The following DMD variants were observed in gnomAD, a reference collection of about 807,000 sequenced individuals.
The protein encoded by DMD is dystrophin, also known as mutant dystrophin.
Under a neutral mutation model 330.1 loss-of-function variants are expected in DMD, and 63 were observed. That is an observed-to-expected ratio of 0.19 (90% CI 0.16 to 0.24). The LOEUF (loss-of-function observed/expected upper bound fraction) is 0.24. Ranked by LOEUF, DMD falls within the 10% of genes least tolerant of loss-of-function variation. DMD has a pLI of 1.00. For synonymous variants in DMD, 1,223 were observed against 959.8 expected (o/e 1.27, Z -5.07); for missense variants, 3,344 against 2,684.1 (o/e 1.25, Z -5.43).
intron 1 of DMD, among the ~76,000 whole-genome samples, chrX:33,310,008 C>T (rs970331730): frequency 9.1e-6 from 1 of 110,213 alleles, no homozygotes; most frequent in Non-Finnish European, 1.9e-5. Context: ...GTGAAGAATG[C>T]AATAAAAATT....
chrX:32,566,645 A>T (rs905611138), intron 15 of DMD, among the ~76,000 whole-genome samples: 2 of 112,227 alleles, frequency 1.8e-5, no homozygotes, highest in African/African-American at 6.5e-5. Context: ...TATACCATTT[A>T]TATTTCCAAA....
intron 47 of DMD, among the ~76,000 whole-genome samples, chrX:31,902,391 G>C (rs146085083): frequency 1.2e-3 from 139 of 111,553 alleles, no homozygotes; most frequent in Middle Eastern, 4.6e-3. Context: ...AGTTAACCTC[G>C]CTGAACCTGG....
intron 1 of DMD, among the ~76,000 whole-genome samples, chrX:33,335,444 T>C (rs2054238015): frequency 9.0e-6 from 1 of 110,952 alleles, no homozygotes; most frequent in South Asian, 3.8e-4. Context: ...GTAAGATTTA[T>C]TCAATTAATT....
At chrX:31,522,349 CTCTCTCTCTCTCTCTA>C (rs1376555001) in intron 55 of DMD, among the ~76,000 whole-genome samples, 9 of 66,001 alleles carry the variant, frequency 1.4e-4, no homozygotes, top group Non-Finnish European at 2.3e-4. Flanking sequence ...CTCTCTCTCT[CTCTCTCTCTCTCTCTA>C]TATATATATA....
At chrX:32,407,400 G>T (rs1048037575) in intron 30 of DMD, among the ~76,000 whole-genome samples, 10 of 111,868 alleles carry the variant, frequency 8.9e-5, no homozygotes, top group African/African-American at 3.3e-4. Context: ...GGCCATCAGA[G>T]AAATGCAAAT....
intron 2 of DMD, among the ~76,000 whole-genome samples, chrX:32,865,227 G>A (rs922866625): frequency 2.7e-5 from 3 of 111,086 alleles, no homozygotes; most frequent in Non-Finnish European, 5.6e-5. Flanking sequence ...AAAACATACT[G>A]CCACTGTTTT....
At chrX:32,502,471 C>G (rs907762464) in intron 18 of DMD, among the ~76,000 whole-genome samples, 1 of 111,373 alleles carries the variant, frequency 9.0e-6, no homozygotes, top group Admixed American at 9.6e-5. Flanking sequence ...ACCACAAATG[C>G]AAAATTATTT....
At chrX:31,192,588 C>T (rs934106600) in intron 67 of DMD, among the ~76,000 whole-genome samples, 40 of 111,532 alleles carry the variant, frequency 3.6e-4, no homozygotes, top group African/African-American at 1.2e-3. Flanking sequence ...GAAATAAGTA[C>T]AATAATCCAT....
Position 31,147,329 on chromosome X carries a change from G to T in DMD, c.10743C>A (p.Asp3581Glu), listed in dbSNP as rs777330782. 8.3e-7 allele frequency: 1 copy of T among 1,210,714 alleles called. No individual in the cohort carries two copies. Among genetic ancestry groups the T allele is most frequent in the Admixed American group, 2.2e-5 (1 of 45,923 alleles). The part of the protein sequence containing the change: ...RLEARMQILE[D>E]HNKQLESQLH... ...ACTGTGACTCCAGCTGTTTATTGTG[G>T]TCTTCCAGGATTTGCATCCTGGCTT... is the stretch of plus-strand genomic sequence containing the variant. The change falls in exon 75 of 79, where the codon GAC becomes GAA. Residue 3581 changes from aspartate (D) to glutamate (E), a missense_variant. By Grantham distance (45) the Asp-to-Glu change is conservative. Coordinates refer to ENST00000357033, the MANE Select transcript of DMD (RefSeq NM_004006.3).
At chrX:32,868,469 A>C (rs2082694589) in intron 2 of DMD, among the ~76,000 whole-genome samples, 1 of 111,925 alleles carries the variant, frequency 8.9e-6, no homozygotes, top group African/African-American at 3.3e-5. Flanking sequence ...GGCAGCAGCC[A>C]TCACGGTGGC....
intron 74 of DMD, 113 bp downstream of exon 74, chrX:31,169,330 T>G: frequency 1.7e-6 from 1 of 583,982 alleles, no homozygotes; most frequent in Admixed American, 3.1e-5. Flanking sequence ...AACAGATTAT[T>G]TTAGAAAACA....
chrX:33,204,618 A>G (rs1346105304), intron 1 of DMD, among the ~76,000 whole-genome samples: 2 of 111,587 alleles, frequency 1.8e-5, no homozygotes, highest in African/African-American at 6.5e-5. Context: ...TAATATGCAC[A>G]TCCTCCTTGA....
rs1252026153 is a variant in DMD, at chrX:32,435,678, G to A, written c.4071+2563C>T. Among the ~76,000 whole-genome samples, 5 of 110,754 alleles carry A rather than the reference G, an allele frequency of 4.5e-5. No individual in the cohort carries two copies. In the East Asian group the frequency reaches 1.4e-3, roughly 32 times the overall value. On this transcript the variant is annotated intron_variant, in intron 29 of 78. Transcript: ENST00000357033. ...GTAAAGGATGCTGGAGTGACAATGG[G>A]GGAGGTAGAGGTTTGTCTGTCCCAG...
At chrX:32,456,085 C>CA (rs1416740149) in intron 25 of DMD, among the ~76,000 whole-genome samples, 1 of 61,916 alleles carries the variant, frequency 1.6e-5, no homozygotes, top group African/African-American at 5.2e-5. Context: ...TTTTAAGTAA[C>CA]AGAGTTTTCA....
At chrX:32,555,420 A>C (rs1236195937) in intron 16 of DMD, among the ~76,000 whole-genome samples, 1 of 111,775 alleles carries the variant, frequency 8.9e-6, no homozygotes, top group African/African-American at 3.3e-5. Flanking sequence ...TTTTCAACAT[A>C]GTATTGGAAG....
intron 53 of DMD, among the ~76,000 whole-genome samples, chrX:31,664,005 C>T: frequency 8.9e-6 from 1 of 111,829 alleles, no homozygotes. Flanking sequence ...CTCCCTGTAT[C>T]CATGCCCTTT....
Position 32,364,579 on chromosome X carries a change from T to C in DMD, c.5154+3A>G. ...ACATTACTTTTCATATTTTATTTGC[T>C]ACCTTAAGCACGTCTTCTTTTTGCT... On this transcript the variant is annotated splice_donor_region_variant and intron_variant, in intron 36 of 78. Coordinates refer to ENST00000357033, the MANE Select transcript of DMD (RefSeq NM_004006.3). 8.3e-7 allele frequency: 1 copy of C among 1,210,873 alleles called. No homozygotes were observed.
At chrX:32,261,573 G>C (rs1308748154) in intron 43 of DMD, among the ~76,000 whole-genome samples, 2 of 111,814 alleles carry the variant, frequency 1.8e-5, no homozygotes, top group African/African-American at 6.5e-5. Flanking sequence ...TATTGACTTG[G>C]TAAATTTAAG....
At chrX:31,672,176 G>A (rs956537221) in intron 53 of DMD, among the ~76,000 whole-genome samples, 1 of 111,694 alleles carries the variant, frequency 9.0e-6, no homozygotes, top group South Asian at 3.7e-4. Context: ...TTAAGAGTGT[G>A]TTGTATAATT....
Sources: allele counts gnomAD v4.1 joint callset (sites outside exome capture counted in the v4.1 genomes callset), GRCh38; gene constraint gnomAD v4.1.1; transcripts MANE v1.5; gene names NCBI Gene and HGNC (gene_info 2026-07-23, HGNC 2026-07-21).